PKNOX2: variants seen among roughly 807,000 people sequenced by gnomAD.
PKNOX2 encodes PBX/knotted 1 homeobox 2.
Under a neutral mutation model 53.1 loss-of-function variants are expected in PKNOX2, and 14 were observed. The ratio of observed to expected loss-of-function variants is 0.26; its 90% CI spans 0.17 to 0.41. The LOEUF is 0.41. PKNOX2 is among the 10% of genes least tolerant of loss of function. PKNOX2 has a pLI of 1.00. For missense variants in PKNOX2, 496 were observed against 602.8 expected (o/e 0.82, Z 1.85); for synonymous variants, 257 against 242.8 (o/e 1.06, Z -0.54).
chr11:125,164,930 A>G (rs773864191), intron 1 of PKNOX2, among the ~76,000 whole-genome samples, 154 bp downstream of exon 1: 1 of 151,112 alleles, frequency 6.6e-6, no homozygotes, highest in Non-Finnish European at 1.5e-5. Context: ...GGCAAGGAGG[A>G]GAGAGGGAGA....
chr11:125,182,686 G>GA (rs535415744), intron 1 of PKNOX2, among the ~76,000 whole-genome samples: 307 of 152,318 alleles, frequency 2.0e-3, no homozygotes, highest in Non-Finnish European at 3.7e-3. Context: ...TTTCTCTTAG[G>GA]AAAGCTGGGT....
rs1015201325 is a variant in PKNOX2, at chr11:125,422,157, C to T, written c.937-6855C>T. Among the ~76,000 whole-genome samples the T allele has an allele frequency of 4.6e-5, 7 of 152,114 alleles. No homozygotes were observed. The highest frequency in any genetic ancestry group is 3.9e-4 in the Admixed American group (6 of 15,278). On this transcript the variant is annotated intron_variant, in intron 10 of 12. Transcript: ENST00000298282. This position sits in a 1 kb window ranked among gnomAD's most constrained non-coding sequence, Gnocchi z 4.1. ...GGCCACAGGGAGTGACCCCTCGCTC[C>T]AAGTTGTTGTGGTCCTCAAACCCTC... is the stretch of plus-strand genomic sequence containing the variant.
At chr11:125,167,287 C>G (rs1349392036) in intron 1 of PKNOX2, among the ~76,000 whole-genome samples, 1 of 152,270 alleles carries the variant, frequency 6.6e-6, no homozygotes, top group African/African-American at 2.4e-5. Flanking sequence ...CCCCCTGCAC[C>G]CCTGGCAGGG....
intron 1 of PKNOX2, among the ~76,000 whole-genome samples, chr11:125,228,316 C>T (rs1941895290): frequency 6.6e-6 from 1 of 152,204 alleles, no homozygotes; most frequent in African/African-American, 2.4e-5. Context: ...TTAAAAGTCA[C>T]ACGTGGCCCT....
intron 1 of PKNOX2, among the ~76,000 whole-genome samples, chr11:125,214,287 A>G (rs1407357888): frequency 2.0e-5 from 3 of 151,714 alleles, no homozygotes; most frequent in Non-Finnish European, 4.4e-5. Flanking sequence ...CTGAAATTCT[A>G]CCATTCCCAG....
intron 10 of PKNOX2, among the ~76,000 whole-genome samples, chr11:125,412,450 T>C (rs1955617476): frequency 6.6e-6 from 1 of 152,214 alleles, no homozygotes; most frequent in South Asian, 2.1e-4. Flanking sequence ...CTACCTCGGG[T>C]TGCAGTGGAG....
intron 1 of PKNOX2, among the ~76,000 whole-genome samples, chr11:125,203,915 G>A (rs749319764): frequency 2.6e-5 from 4 of 152,214 alleles, no homozygotes; most frequent in East Asian, 1.9e-4. Flanking sequence ...CCCAAGCTTC[G>A]TTTCCCCAAA....
At chr11:125,253,601 G>T (rs182050233) in intron 2 of PKNOX2, among the ~76,000 whole-genome samples, 1 of 152,116 alleles carries the variant, frequency 6.6e-6, no homozygotes, top group African/African-American at 2.4e-5. Flanking sequence ...TGATAGCACC[G>T]CTGATTTGTC....
In PKNOX2 at chr11:125,271,282, T is replaced by C. The variant is rs576322315; in HGVS notation, c.-130+36167T>C. Among the ~76,000 whole-genome samples the C allele has an allele frequency of 1.1e-4, 17 of 152,354 alleles. No individual in the cohort carries two copies. In the South Asian group the frequency reaches 3.5e-3, roughly 32 times the overall value. On this transcript the variant is annotated intron_variant, in intron 2 of 12. Coordinates refer to ENST00000298282, the MANE Select transcript of PKNOX2 (RefSeq NM_001382323.2). ...CAAGTCCAGCTTGGCCATTTTGCTC[T>C]GCTTTTAGAAAATGGGCTTTCATCT...
intron 10 of PKNOX2, among the ~76,000 whole-genome samples, chr11:125,412,257 C>T (rs1490795037): frequency 2.6e-5 from 4 of 152,204 alleles, no homozygotes; most frequent in Non-Finnish European, 2.9e-5. Context: ...GTGCCCCTCT[C>T]CCATGGAAGA....
rs1950946104 is a variant in PKNOX2, at chr11:125,345,947, G to A, written c.-22-5337G>A. 3.3e-5 allele frequency among the ~76,000 whole-genome samples: 5 copies of A among 152,228 alleles called. No homozygotes were observed. The South Asian group carries it at 1.0e-3, about 32-fold the overall frequency. On this transcript the variant is annotated intron_variant, in intron 3 of 12. Transcript: ENST00000298282. ...CGACGCCACCTACAGGCCACTTCTG[G>A]GAAGGGAGCTGGGCCAGAGAAGATC...
chr11:125,401,870 C>G (rs1407568531), intron 7 of PKNOX2, among the ~76,000 whole-genome samples: 3 of 152,154 alleles, frequency 2.0e-5, no homozygotes, highest in South Asian at 2.1e-4. Flanking sequence ...TGAGCACCAG[C>G]CTGGCCTGGG....
chr11:125,430,029 C>T lies in PKNOX2; in HGVS notation c.1080C>T (p.Pro360=), dbSNP rs1956620565. Residue 360 remains proline, a synonymous_variant, in exon 12 of 13, where the codon CCC becomes CCT. Transcript: ENST00000298282. ...MLDASNPDPA[P]KAKKIKSQHR... ...ATGCCAGCAACCCAGATCCTGCCCC[C>T]AAAGCCAAGAAGATCAAGTCTCAGC... The T allele has an allele frequency of 6.2e-6, 10 of 1,614,090 alleles. No individual in the cohort carries two copies. In the Admixed American group the frequency reaches 1.7e-4, roughly 27 times the overall value.
At chr11:125,231,584 C>A (rs1942208049) in intron 1 of PKNOX2, among the ~76,000 whole-genome samples, 1 of 152,350 alleles carries the variant, frequency 6.6e-6, no homozygotes, top group Admixed American at 6.5e-5. Context: ...AAACATCAGG[C>A]ACATGGATGG....
chr11:125,260,809 A>G (rs914672950), intron 2 of PKNOX2, among the ~76,000 whole-genome samples: 3 of 152,132 alleles, frequency 2.0e-5, no homozygotes, highest in Non-Finnish European at 2.9e-5. Flanking sequence ...CCTGCTATAC[A>G]AGAGATGTTT....
intron 1 of PKNOX2, among the ~76,000 whole-genome samples, chr11:125,207,942 G>T (rs1353616248): frequency 6.6e-6 from 1 of 152,090 alleles, no homozygotes; most frequent in Non-Finnish European, 1.5e-5. Context: ...AATATTGATT[G>T]CATCACTACT....
chr11:125,317,544 T>C lies in PKNOX2; in HGVS notation c.-129-14275T>C, dbSNP rs1193336067. On this transcript the variant is annotated intron_variant, in intron 2 of 12. Transcript: ENST00000298282. ...AACTACATTAATCTCCTTGTACATC[T>C]CCATCAGAGCTCTTGGGTAATCACG... is the stretch of plus-strand genomic sequence containing the variant. Among the ~76,000 whole-genome samples the C allele has an allele frequency of 3.3e-5, 5 of 152,314 alleles. No individual in the cohort carries two copies. In the South Asian group the frequency reaches 6.2e-4, roughly 19 times the overall value.
At chr11:125,307,123 A>G (rs1304411587) in intron 2 of PKNOX2, among the ~76,000 whole-genome samples, 1 of 151,780 alleles carries the variant, frequency 6.6e-6, no homozygotes, top group Non-Finnish European at 1.5e-5. Flanking sequence ...CAGTTTGTAC[A>G]TCGTAGTCTT....
intron 2 of PKNOX2, among the ~76,000 whole-genome samples, chr11:125,235,719 G>A (rs527250547): frequency 1.6e-4 from 24 of 152,264 alleles, no homozygotes; most frequent in Admixed American, 8.5e-4. Flanking sequence ...CCTAGGTAAC[G>A]CCAGCTGGAA....
Sources: allele counts gnomAD v4.1 joint callset (sites outside exome capture counted in the v4.1 genomes callset), GRCh38; gene constraint gnomAD v4.1.1; non-coding constraint Gnocchi (gnomAD v3.1); transcripts MANE v1.5; gene names NCBI Gene and HGNC (gene_info 2026-07-23, HGNC 2026-07-21).